TDRD9: variants seen among roughly 807,000 people sequenced by gnomAD.
TDRD9 encodes tudor domain containing 9.
Under a neutral mutation model 172.6 loss-of-function variants are expected in TDRD9, and 124 were observed. The ratio of observed to expected loss-of-function variants is 0.72; its 90% CI spans 0.62 to 0.83. The LOEUF (loss-of-function observed/expected upper bound fraction) is 0.83, where lower values mean the gene tolerates loss of function less well. Among genes scored for constraint, TDRD9 ranks in the 40% least tolerant of loss-of-function variants. TDRD9 has a pLI of 0.00. For synonymous variants in TDRD9, 619 were observed against 617.1 expected (o/e 1.00, Z -0.05); for missense variants, 1,479 against 1,714.1 (o/e 0.86, Z 2.42).
chr14:103,966,708 G>T lies in TDRD9; in HGVS notation c.643-1G>T. On this transcript the variant is annotated splice_acceptor_variant, in intron 4 of 35. Coordinates refer to ENST00000409874, the MANE Select transcript of TDRD9 (RefSeq NM_153046.3). LOFTEE classifies it high-confidence loss of function. ...TTTCCTTTTTCCTTCTCCAATTTTAGGTAGGGCTAGAGAAAATAGCAACAG... is the reference window on the plus strand; with the variant it reads ...TTTCCTTTTTCCTTCTCCAATTTTATGTAGGGCTAGAGAAAATAGCAACAG... 1 of 1,515,618 alleles carries T rather than the reference G, an allele frequency of 6.6e-7. No individual in the cohort carries two copies. The highest frequency in any genetic ancestry group is 1.3e-5 in the South Asian group (1 of 77,248). The allele number at this position is 1,515,618 out of a possible 1,614,324, so 93.9% of individuals were successfully genotyped here.
intron 32 of TDRD9, among the ~76,000 whole-genome samples, chr14:104,039,603 T>A (rs2035551807): frequency 6.6e-6 from 1 of 152,088 alleles, no homozygotes; most frequent in African/African-American, 2.4e-5. Flanking sequence ...CAAGTCCAGG[T>A]GAGAAATGGC....
intron 1 of TDRD9, among the ~76,000 whole-genome samples, chr14:103,952,185 T>TGC: frequency 5.1e-5 from 2 of 39,408 alleles, no homozygotes; most frequent in East Asian, 1.6e-3. Flanking sequence ...TGTGTGCGTG[T>TGC]GTGTGTATAT....
At chr14:104,048,602 G>A (rs993437135) in intron 34 of TDRD9, among the ~76,000 whole-genome samples, 4 of 152,046 alleles carry the variant, frequency 2.6e-5, no homozygotes, top group Non-Finnish European at 5.9e-5. Context: ...GGCACTTTTT[G>A]ATTCTTCCCT....
At chr14:103,988,694 CT>C (rs34511631) in intron 8 of TDRD9, among the ~76,000 whole-genome samples, 63,201 of 126,490 alleles carry the variant, frequency 0.5, 13,904 homozygotes, top group South Asian at 0.67. Flanking sequence ...TAGCATTTTA[CT>C]TTTTTTTTTT....
intron 32 of TDRD9, among the ~76,000 whole-genome samples, chr14:104,036,911 G>A (rs1319736252): frequency 2.6e-5 from 4 of 152,124 alleles, no homozygotes; most frequent in Non-Finnish European, 5.9e-5. Context: ...AGGGGGGCCT[G>A]GTTGATTTTC....
intron 33 of TDRD9, among the ~76,000 whole-genome samples, chr14:104,041,231 C>T (rs974239110): frequency 6.6e-6 from 1 of 152,154 alleles, no homozygotes; most frequent in Admixed American, 6.5e-5. Context: ...CTTGAAAATA[C>T]TCCTTAAGCC....
At chr14:103,946,533 C>T (rs2031568446) in intron 1 of TDRD9, among the ~76,000 whole-genome samples, 2 of 152,136 alleles carry the variant, frequency 1.3e-5, no homozygotes, top group South Asian at 4.1e-4. Context: ...TAACTTAGTA[C>T]TAGAATTTCT....
chr14:103,932,846 A>G (rs1305030364), intron 1 of TDRD9, among the ~76,000 whole-genome samples: 1 of 152,226 alleles, frequency 6.6e-6, no homozygotes, highest in Admixed American at 6.5e-5. Flanking sequence ...TTAAATCAGC[A>G]GAAGAACATG....
chr14:104,005,524 A>C, intron 15 of TDRD9, 119 bp downstream of exon 15: 2 of 1,061,526 alleles, frequency 1.9e-6, no homozygotes, highest in Non-Finnish European at 2.8e-6. Context: ...CTTTCCCGCT[A>C]ACTCTGTTCC....
intron 13 of TDRD9, among the ~76,000 whole-genome samples, chr14:104,003,969 A>G (rs968457509): frequency 5.3e-5 from 8 of 152,148 alleles, no homozygotes; most frequent in African/African-American, 1.4e-4. Flanking sequence ...ATTGGATTTT[A>G]TAATATTGGT....
intron 9 of TDRD9, among the ~76,000 whole-genome samples, chr14:103,993,103 G>C (rs1310548135): frequency 6.6e-6 from 1 of 151,364 alleles, no homozygotes; most frequent in Non-Finnish European, 1.5e-5. Context: ...CCAAGTAGCT[G>C]GGACTGCAGG....
chr14:103,966,249 T>A (rs1181761526), intron 4 of TDRD9, among the ~76,000 whole-genome samples: 1 of 152,072 alleles, frequency 6.6e-6, no homozygotes, highest in Non-Finnish European at 1.5e-5. Context: ...GAGAATTGCT[T>A]GAACCCGGGA....
chr14:104,023,689 T>A (rs2035032115), intron 24 of TDRD9, among the ~76,000 whole-genome samples: 1 of 152,262 alleles, frequency 6.6e-6, no homozygotes, highest in South Asian at 2.1e-4. Flanking sequence ...TTATTATTTC[T>A]TAATTGTAGA....
chr14:103,970,834 C>T (rs1419138715), intron 6 of TDRD9, among the ~76,000 whole-genome samples: 2 of 152,150 alleles, frequency 1.3e-5, no homozygotes, highest in Non-Finnish European at 2.9e-5. Context: ...TAAGTCACCT[C>T]TAGGTTATCT....
chr14:103,996,645 C>A (rs2034069288), intron 12 of TDRD9, among the ~76,000 whole-genome samples: 1 of 151,884 alleles, frequency 6.6e-6, no homozygotes, highest in African/African-American at 2.4e-5. Flanking sequence ...AATGGGTAAA[C>A]CAGGGCAGAT....
At chr14:104,035,083 C>CTTTGTA in intron 32 of TDRD9, 27 bp downstream of exon 32, 4 of 1,532,524 alleles carry the variant, frequency 2.6e-6, no homozygotes, top group Non-Finnish European at 3.5e-6. Flanking sequence ...TGTCTATAGG[C>CTTTGTA]TTTGTAAAAT....
At chr14:103,951,575 T>C (rs2031872082) in intron 1 of TDRD9, among the ~76,000 whole-genome samples, 1 of 152,248 alleles carries the variant, frequency 6.6e-6, no homozygotes, top group African/African-American at 2.4e-5. Context: ...TAAATTTTTG[T>C]ATAATCTGTT....
At chr14:103,993,338 A>T (rs765572459) in intron 9 of TDRD9, among the ~76,000 whole-genome samples, 26 of 152,182 alleles carry the variant, frequency 1.7e-4, no homozygotes, top group Admixed American at 5.2e-4. Flanking sequence ...GAAAATATTT[A>T]TAAGTGATAT....
Position 103,929,467 on chromosome 14 carries a change from G to GTT in TDRD9, c.215+744_215+745insTT. 2.0e-5 allele frequency among the ~76,000 whole-genome samples: 3 copies of GTT among 152,130 alleles called. No homozygotes were observed. The South Asian group carries it at 6.2e-4, about 32-fold the overall frequency. ...CTGATTAATATTCCACTGTCTGGATGTACCACAGTTTATCTCCATTCACCT... is the reference window on the plus strand; with the variant it reads ...CTGATTAATATTCCACTGTCTGGATGTTTACCACAGTTTATCTCCATTCACCT... On this transcript the variant is annotated intron_variant, in intron 1 of 35. Transcript: ENST00000409874.
Sources: gnomAD v4.1 joint callset for allele counts (sites outside exome capture counted in the v4.1 genomes callset) on GRCh38, gnomAD v4.1.1 for gene constraint, MANE v1.5 for transcripts, NCBI Gene and HGNC (gene_info 2026-07-23, HGNC 2026-07-21) for gene names.